The following SHISA9 variants were observed in gnomAD, a reference collection of about 807,000 sequenced individuals.
SHISA9 encodes the protein shisa family member 9, also known as protein shisa-9.
Under a neutral mutation model 38.0 loss-of-function variants are expected in SHISA9, and 13 were observed. The ratio of observed to expected loss-of-function variants is 0.34; its 90% CI spans 0.22 to 0.54. The LOEUF (loss-of-function observed/expected upper bound fraction) is 0.54. Ranked by LOEUF, SHISA9 falls within the 20% of genes least tolerant of loss-of-function variation. The pLI, the probability that SHISA9 is intolerant of heterozygous loss-of-function variation, is 0.91. For synonymous variants in SHISA9, 275 were observed against 242.0 expected, an observed-to-expected ratio of 1.14 and a Z score of -1.27; for missense variants, 538 against 575.8, an observed-to-expected ratio of 0.93 and a Z score of 0.67.
intron 2 of SHISA9, among the ~76,000 whole-genome samples, chr16:12,987,379 T>C (rs2072325333): frequency 6.6e-6 from 1 of 151,996 alleles, no homozygotes; most frequent in African/African-American, 2.4e-5. Context: ...ACAAAGAAAA[T>C]GTGATACATA....
chr16:13,015,864 TTC>T (rs1491514820), intron 2 of SHISA9, among the ~76,000 whole-genome samples: 1 of 82,944 alleles, frequency 1.2e-5, no homozygotes, highest in Admixed American at 1.1e-4. Context: ...CTTTCTTTCT[TTC>T]TTTCTTTCTT....
At chr16:13,386,680 A>T in the SHISA9 span, among the ~76,000 whole-genome samples, 3 of 152,192 alleles carry the variant, frequency 2.0e-5, no homozygotes, top group Non-Finnish European at 4.4e-5. Context: ...GTTTTATACA[A>T]ACGATGTTAT....
chr16:13,200,409 A>AACACACACACACACACACACAC (rs148088145), intron 2 of SHISA9, among the ~76,000 whole-genome samples: 109 of 136,612 alleles, frequency 8.0e-4, no homozygotes, highest in African/African-American at 2.8e-3. Context: ...TATATCATGA[A>AACACACACACACACACACACAC]ACACACACAC....
the SHISA9 span, among the ~76,000 whole-genome samples, chr16:13,526,823 C>A: frequency 2.0e-5 from 3 of 152,166 alleles, no homozygotes; most frequent in African/African-American, 7.2e-5. Flanking sequence ...GGAACCTAAA[C>A]GTAAGTATTT....
intron 2 of SHISA9, among the ~76,000 whole-genome samples, chr16:13,164,155 C>G (rs568487376): frequency 2.7e-4 from 41 of 152,078 alleles, no homozygotes; most frequent in African/African-American, 9.6e-4. Context: ...TGAAGAATTT[C>G]TCCTCTATTC....
chr16:13,282,535 T>G, the SHISA9 span, among the ~76,000 whole-genome samples: 1 of 152,064 alleles, frequency 6.6e-6, no homozygotes, highest in Non-Finnish European at 1.5e-5. Context: ...TTATCACACT[T>G]TTGTGAAATG....
chr16:13,319,603 C>G, the SHISA9 span, among the ~76,000 whole-genome samples: 2 of 152,110 alleles, frequency 1.3e-5, no homozygotes, highest in Admixed American at 6.5e-5. Flanking sequence ...GTTGCTCCCT[C>G]TCTGCCATCC....
At chr16:12,951,412 G>C (rs2141775978) in intron 2 of SHISA9, among the ~76,000 whole-genome samples, 1 of 152,216 alleles carries the variant, frequency 6.6e-6, no homozygotes, top group Non-Finnish European at 1.5e-5. Flanking sequence ...AGGGTGCACA[G>C]TCTCTGTTGT....
At chr16:12,952,071 A>C (rs865847500) in intron 2 of SHISA9, among the ~76,000 whole-genome samples, 7 of 152,216 alleles carry the variant, frequency 4.6e-5, no homozygotes, top group African/African-American at 1.7e-4. Context: ...GTTTTAAATA[A>C]CACATTCCCC....
chr16:13,083,370 T>C (rs953159388), intron 2 of SHISA9, among the ~76,000 whole-genome samples: 1 of 152,186 alleles, frequency 6.6e-6, no homozygotes, highest in African/African-American at 2.4e-5. Context: ...CATGAGATGA[T>C]GTATGCAAAA....
chr16:13,074,452 G>A (rs1311985337), intron 2 of SHISA9, among the ~76,000 whole-genome samples: 2 of 152,000 alleles, frequency 1.3e-5, no homozygotes, highest in Non-Finnish European at 2.9e-5. Context: ...TTTTTTAATA[G>A]GCTTTTAATG....
At chr16:12,977,577 C>A (rs1172878158) in intron 2 of SHISA9, among the ~76,000 whole-genome samples, 1 of 152,092 alleles carries the variant, frequency 6.6e-6, no homozygotes, top group Non-Finnish European at 1.5e-5. Flanking sequence ...AAATGCCCAT[C>A]CGTGATAGAC....
the SHISA9 span, among the ~76,000 whole-genome samples, chr16:13,301,837 T>C: frequency 6.6e-6 from 1 of 152,212 alleles, no homozygotes; most frequent in East Asian, 1.9e-4. Context: ...ACCAAACTTA[T>C]TCTCTTTGAA....
intron 2 of SHISA9, among the ~76,000 whole-genome samples, chr16:13,075,343 C>T (rs188486179): frequency 1.7e-3 from 261 of 152,312 alleles, no homozygotes; most frequent in Middle Eastern, 0.014. Context: ...CCTCCAGAGA[C>T]AGAGAGGCTG....
intron 2 of SHISA9, among the ~76,000 whole-genome samples, chr16:13,001,646 A>T (rs1306266020): frequency 6.6e-6 from 1 of 152,224 alleles, no homozygotes; most frequent in African/African-American, 2.4e-5. Flanking sequence ...TGTTATACTC[A>T]TGTATATGCA....
At chr16:13,531,664 C>T in the SHISA9 span, among the ~76,000 whole-genome samples, 1 of 152,120 alleles carries the variant, frequency 6.6e-6, no homozygotes, top group Non-Finnish European at 1.5e-5. Context: ...GAGCGATCAC[C>T]ATGAGGTGGA....
intron 2 of SHISA9, among the ~76,000 whole-genome samples, chr16:13,058,234 T>C (rs2073332770): frequency 6.6e-6 from 1 of 152,190 alleles, no homozygotes; most frequent in Non-Finnish European, 1.5e-5. Context: ...GGTCATACAA[T>C]ACCTGAGAGC....
At chr16:12,997,710 C>G (rs958610214) in intron 2 of SHISA9, among the ~76,000 whole-genome samples, 10 of 152,068 alleles carry the variant, frequency 6.6e-5, no homozygotes, top group African/African-American at 2.4e-4. Flanking sequence ...CCAGCCTTAA[C>G]CTAAAATTTA....
intron 1 of SHISA9, chr16:12,911,165 C>G: frequency 1.3e-6 from 1 of 753,154 alleles, no homozygotes. Context: ...TTTTTATCTT[C>G]TGGGAGCTTG....
Sources: allele counts gnomAD v4.1 joint callset (sites outside exome capture counted in the v4.1 genomes callset), GRCh38; gene constraint gnomAD v4.1.1; transcripts MANE v1.5; gene names NCBI Gene and HGNC (gene_info 2026-07-23, HGNC 2026-07-21).